CEP85: variants seen among roughly 807,000 people sequenced by gnomAD.
CEP85 encodes the protein centrosomal protein 85, also known as centrosomal protein of 85 kDa.
Under a neutral mutation model 93.7 loss-of-function variants are expected in CEP85, and 58 were observed. The ratio of observed to expected loss-of-function variants is 0.62; its 90% CI spans 0.50 to 0.77. CEP85 has a LOEUF of 0.77. Among genes scored for constraint, CEP85 ranks in the 30% least tolerant of loss-of-function variants. CEP85 has a pLI of 0.00. For missense variants in CEP85, 868 were observed against 922.0 expected (o/e 0.94, Z 0.76); for synonymous variants, 314 against 338.6 (o/e 0.93, Z 0.80).
At chr1:26,235,706 G>A (rs1454776887) in intron 1 of CEP85, among the ~76,000 whole-genome samples, 1 of 151,662 alleles carries the variant, frequency 6.6e-6, no homozygotes, top group East Asian at 1.9e-4. Context: ...CCGAGTAGCT[G>A]GGATTACAGG....
In CEP85 at chr1:26,271,018, C is replaced by T. The variant is rs574608108; in HGVS notation, c.1654C>T (p.Gln552Ter). 6.2e-7 allele frequency: 1 copy of T among 1,605,094 alleles called. No individual in the cohort carries two copies. Among genetic ancestry groups the T allele is most frequent in the Non-Finnish European group, 8.5e-7 (1 of 1,172,246 alleles). ...AEFSSAGHSLQDKQSVEETSG... is the reference protein window; with the variant it reads ...AEFSSAGHSL The stretch of plus-strand genomic sequence containing the variant: ...GAAGAGGCCACTGTCTTTCAGCCTG[C>T]AAGATAAACAGTCTGTGGAGGAGAC... The change falls in exon 10 of 14, where the codon CAA becomes TAA. Residue 552 changes from glutamine to a stop codon, truncating the protein, a stop_gained. Coordinates refer to ENST00000451429, the MANE Select transcript of CEP85 (RefSeq NM_001319944.2). LOFTEE classifies it high-confidence loss of function.
At chr1:26,271,230 C>T (rs2089970600) in intron 10 of CEP85, 123 bp downstream of exon 10, 3 of 601,228 alleles carry the variant, frequency 5.0e-6, no homozygotes, top group Admixed American at 3.0e-5. Flanking sequence ...AAGAGCTTTT[C>T]TTTCTTTTCG....
chr1:26,239,900 T>A, intron 2 of CEP85, 62 bp downstream of exon 2: 2 of 1,222,742 alleles, frequency 1.6e-6, no homozygotes, highest in Non-Finnish European at 2.4e-6. Context: ...TCATATTCCT[T>A]AAGGTAAATA....
chr1:26,247,767 A>C (rs10751734), intron 3 of CEP85, among the ~76,000 whole-genome samples: 8 of 152,082 alleles, frequency 5.3e-5, no homozygotes, highest in Non-Finnish European at 1.2e-4. Flanking sequence ...TAAGCCTTCC[A>C]AGTAGCTGGG....
chr1:26,274,142 C>G (rs2090019581), intron 11 of CEP85, among the ~76,000 whole-genome samples: 1 of 151,826 alleles, frequency 6.6e-6, no homozygotes, highest in African/African-American at 2.4e-5. Flanking sequence ...AGTTTAAAAG[C>G]TTAAATATCT....
At chr1:26,239,474 C>T (rs1285069375) in intron 1 of CEP85, among the ~76,000 whole-genome samples, 1 of 152,102 alleles carries the variant, frequency 6.6e-6, no homozygotes, top group Non-Finnish European at 1.5e-5. Context: ...GCCTCAGCCT[C>T]CCAAGTAGCT....
chr1:26,254,112 A>G lies in CEP85; in HGVS notation c.209-1059A>G, dbSNP rs1036624741. 2.2e-4 allele frequency among the ~76,000 whole-genome samples: 34 copies of G among 152,086 alleles called. 1 individual carries two copies. The highest frequency in any genetic ancestry group is 1.8e-3 in the Admixed American group (27 of 15,268). On this transcript the variant is annotated intron_variant, in intron 3 of 13. Coordinates refer to ENST00000451429, the MANE Select transcript of CEP85 (RefSeq NM_001319944.2). ...GTTCTCTGTGTTGGTTGCTGGGGAG[A>G]AAAAGAAACAAGTTGGTAGTCGCTC... is the stretch of plus-strand genomic sequence containing the variant.
At chr1:26,248,014 C>T (rs1374855233) in intron 3 of CEP85, among the ~76,000 whole-genome samples, 3 of 152,048 alleles carry the variant, frequency 2.0e-5, no homozygotes, top group Non-Finnish European at 4.4e-5. Flanking sequence ...GGACTGTGCT[C>T]AGTAACTATT....
chr1:26,235,365 T>G (rs10493030), intron 1 of CEP85, among the ~76,000 whole-genome samples: 2 of 152,014 alleles, frequency 1.3e-5, no homozygotes, highest in Non-Finnish European at 2.9e-5. Context: ...GACTTTTCTT[T>G]GTAAAGGCAA....
At position 26,276,593 on chromosome 1, in the gene CEP85, G is replaced by T; in HGVS notation, c.1961G>T (p.Arg654Leu). 1 of 1,614,146 alleles carries T rather than the reference G, an allele frequency of 6.2e-7. No individual in the cohort carries two copies. The highest frequency in any genetic ancestry group is 8.5e-7 in the Non-Finnish European group (1 of 1,180,016). Reference sequence around the variant, plus strand: ...AATCTGACACTCCAGGAACACCTGCGCCAGGCCCAACCAGGGTCTCCACCT... The same window carrying T: ...AATCTGACACTCCAGGAACACCTGCTCCAGGCCCAACCAGGGTCTCCACCT... Reference protein sequence around the residue: ...EKNLTLQEHLRQAQPGSPPSP... With the variant: ...EKNLTLQEHLLQAQPGSPPSP... Residue 654 changes from arginine to leucine, a missense_variant, in exon 13 of 14, where the codon CGC becomes CTC. By Grantham distance (102) the Arg-to-Leu change is moderately radical (BLOSUM62 -2). Coordinates refer to ENST00000451429, the MANE Select transcript of CEP85 (RefSeq NM_001319944.2).
intron 7 of CEP85, among the ~76,000 whole-genome samples, chr1:26,265,356 T>A (rs920401879): frequency 1.3e-5 from 2 of 150,098 alleles, no homozygotes; most frequent in African/African-American, 5.0e-5. Flanking sequence ...TGGCCTCAAT[T>A]AATCTGCCCA....
intron 2 of CEP85, among the ~76,000 whole-genome samples, chr1:26,241,053 G>A (rs935554442): frequency 4.6e-5 from 7 of 151,924 alleles, no homozygotes; most frequent in African/African-American, 1.7e-4. Flanking sequence ...TGAATTCTGG[G>A]GTATTGGTAA....
chr1:26,268,608 G>A lies in CEP85; in HGVS notation c.1467G>A (p.Leu489=). ...LERYLADLPT[L]EDHQKQSQQL... ...GCTACCTGGCTGACCTGCCCACACT[G>A]GAAGACCATCAGAAGCAGAGCCAGC... Residue 489 remains leucine, a synonymous_variant, in exon 8 of 14, where the codon CTG becomes CTA. Transcript: ENST00000451429. The A allele has an allele frequency of 6.2e-7, 1 of 1,612,318 alleles. No individual in the cohort carries two copies. Among genetic ancestry groups the A allele is most frequent in the Non-Finnish European group, 8.5e-7 (1 of 1,179,244 alleles).
At chr1:26,276,840 C>T in intron 13 of CEP85, 80 bp downstream of exon 13, 8 of 1,144,106 alleles carry the variant, frequency 7.0e-6, no homozygotes, top group Non-Finnish European at 1.0e-5. Context: ...TTCCCATATT[C>T]TTGTGGTAAT....
At position 26,257,584 on chromosome 1, in the gene CEP85, A is replaced by T; in HGVS notation, c.904-13A>T. 2 of 1,613,920 alleles carry T rather than the reference A, an allele frequency of 1.2e-6. No homozygotes were observed. Among genetic ancestry groups the T allele is most frequent in the South Asian group, 1.1e-5 (1 of 91,066 alleles). ...GTCAAGATCAAGCTCATCTGGGCCT[A>T]CTTGCCTTTCAGCTTCAGAATGGAG... On this transcript the variant is annotated splice_polypyrimidine_tract_variant and intron_variant, in intron 4 of 13. Transcript: ENST00000451429.
intron 2 of CEP85, among the ~76,000 whole-genome samples, chr1:26,240,908 AG>A (rs111451385): frequency 6.6e-6 from 1 of 151,868 alleles, no homozygotes; most frequent in Non-Finnish European, 1.5e-5. Flanking sequence ...AAAAAAAAAA[AG>A]GGGAAAAAAA....
At position 26,255,165 on chromosome 1, in the gene CEP85, C is replaced by G. The variant is rs1403157493; in HGVS notation, c.209-6C>G. Reference sequence around the variant, plus strand: ...TTTTACTTATGGAAGACTATTCTCTCCCCAGATTTTTGCAGCTCAAGTGGC... The same window carrying G: ...TTTTACTTATGGAAGACTATTCTCTGCCCAGATTTTTGCAGCTCAAGTGGC... On this transcript the variant is annotated splice_polypyrimidine_tract_variant and splice_region_variant and intron_variant, in intron 3 of 13. Coordinates refer to ENST00000451429, the MANE Select transcript of CEP85 (RefSeq NM_001319944.2). 6.2e-7 allele frequency: 1 copy of G among 1,610,992 alleles called. No individual in the cohort carries two copies. The highest frequency in any genetic ancestry group is 8.5e-7 in the Non-Finnish European group (1 of 1,177,758).
chr1:26,235,292 C>T (rs1180114967), intron 1 of CEP85, among the ~76,000 whole-genome samples: 1 of 152,150 alleles, frequency 6.6e-6, no homozygotes. Flanking sequence ...CTAGCCAGGC[C>T]TCATTTATTT....
intron 9 of CEP85, 92 bp from the exon 10 acceptor site, chr1:26,270,922 C>T: frequency 3.9e-6 from 3 of 778,746 alleles, no homozygotes; most frequent in Non-Finnish European, 6.8e-6. Flanking sequence ...GACTAAGTGT[C>T]TTGCCTCAAA....
Sources: gnomAD v4.1 joint callset for allele counts (sites outside exome capture counted in the v4.1 genomes callset) on GRCh38, gnomAD v4.1.1 for gene constraint, MANE v1.5 for transcripts, NCBI Gene and HGNC (gene_info 2026-07-23, HGNC 2026-07-21) for gene names.